The following SLC35F3 variants were observed in gnomAD, a reference collection of about 807,000 sequenced individuals.
SLC35F3 encodes solute carrier family 35 member F3, also known as putative thiamine transporter SLC35F3.
SLC35F3 carries 25 observed loss-of-function variants against 49.9 expected under a neutral mutation model. The ratio of observed to expected loss-of-function variants is 0.50; its 90% CI spans 0.37 to 0.70. SLC35F3 has a LOEUF of 0.70. SLC35F3 is among the 30% of genes least tolerant of loss of function. SLC35F3 has a pLI of 0.00. For missense variants in SLC35F3, 525 were observed against 639.8 expected, an observed-to-expected ratio of 0.82 and a Z score of 1.94; for synonymous variants, 275 against 265.4, an observed-to-expected ratio of 1.04 and a Z score of -0.35.
At chr1:233,983,104 G>C (rs1663212057) in intron 2 of SLC35F3, among the ~76,000 whole-genome samples, 1 of 152,146 alleles carries the variant, frequency 6.6e-6, no homozygotes, top group African/African-American at 2.4e-5. Context: ...TCCCTGATAA[G>C]AAAGTGCACC....
intron 3 of SLC35F3, among the ~76,000 whole-genome samples, chr1:234,307,934 G>A (rs927401452): frequency 2.6e-5 from 4 of 152,150 alleles, no homozygotes; most frequent in African/African-American, 7.2e-5. Context: ...CTCCACACCC[G>A]AGCTCCCCAC....
At chr1:234,045,446 G>T (rs1468203508) in intron 2 of SLC35F3, among the ~76,000 whole-genome samples, 1 of 152,084 alleles carries the variant, frequency 6.6e-6, no homozygotes, top group Non-Finnish European at 1.5e-5. Flanking sequence ...TCTGAAGTAG[G>T]TGTATTACTC....
intron 3 of SLC35F3, among the ~76,000 whole-genome samples, chr1:234,302,205 T>C (rs1668704222): frequency 6.6e-6 from 1 of 151,642 alleles, no homozygotes; most frequent in Admixed American, 6.6e-5. Flanking sequence ...AAAAGAAGAA[T>C]ACCAAAGAAG....
intron 2 of SLC35F3, among the ~76,000 whole-genome samples, chr1:234,028,869 A>G (rs773349390): frequency 6.6e-6 from 1 of 152,172 alleles, no homozygotes; most frequent in African/African-American, 2.4e-5. Context: ...CTTAAGTAGC[A>G]TGGTGATGGT....
chr1:234,107,556 T>C (rs1266914290), intron 2 of SLC35F3, among the ~76,000 whole-genome samples: 1 of 152,164 alleles, frequency 6.6e-6, no homozygotes, highest in Non-Finnish European at 1.5e-5. Context: ...GAGAGCATCA[T>C]GACTAGTTCA....
intron 2 of SLC35F3, among the ~76,000 whole-genome samples, chr1:233,998,286 G>C (rs1663494947): frequency 6.6e-6 from 1 of 151,958 alleles, no homozygotes; most frequent in African/African-American, 2.4e-5. Flanking sequence ...ATATGCATTG[G>C]ATATCAGGGA....
intron 2 of SLC35F3, among the ~76,000 whole-genome samples, chr1:234,129,586 G>T (rs1364438022): frequency 6.6e-6 from 1 of 152,176 alleles, no homozygotes; most frequent in Non-Finnish European, 1.5e-5. Flanking sequence ...TTGACAAACA[G>T]ATTCTGAATT....
At chr1:234,289,156 A>G (rs1387523691) in intron 3 of SLC35F3, among the ~76,000 whole-genome samples, 6 of 152,150 alleles carry the variant, frequency 3.9e-5, no homozygotes, top group Non-Finnish European at 8.8e-5. Context: ...TTAGGAGAGG[A>G]TCACCCCCCT....
At chr1:234,251,958 G>A (rs1392545462) in intron 3 of SLC35F3, among the ~76,000 whole-genome samples, 1 of 151,576 alleles carries the variant, frequency 6.6e-6, no homozygotes, top group Non-Finnish European at 1.5e-5. Flanking sequence ...GAATTTAGGT[G>A]TAAAACCTGA....
At chr1:234,137,846 G>A (rs1388617865) in intron 2 of SLC35F3, among the ~76,000 whole-genome samples, 3 of 152,164 alleles carry the variant, frequency 2.0e-5, no homozygotes, top group African/African-American at 7.2e-5. Flanking sequence ...TATTTAGGTG[G>A]AAGGAAAGAG....
chr1:234,050,139 T>G (rs1038150843), intron 2 of SLC35F3, among the ~76,000 whole-genome samples: 18 of 152,234 alleles, frequency 1.2e-4, no homozygotes, highest in Admixed American at 1.0e-3. Context: ...TTATAATCCT[T>G]TGGGTATATA....
chr1:234,094,215 G>A (rs968924730), intron 2 of SLC35F3, among the ~76,000 whole-genome samples: 3 of 152,208 alleles, frequency 2.0e-5, no homozygotes, highest in Admixed American at 6.5e-5. Context: ...AAATTTAGAA[G>A]CCTATTTTCA....
chr1:234,194,225 T>C (rs1030814865), intron 2 of SLC35F3, among the ~76,000 whole-genome samples: 62 of 152,158 alleles, frequency 4.1e-4, no homozygotes, highest in African/African-American at 1.4e-3. Flanking sequence ...CATCAATCAA[T>C]GAGTGGATAA....
chr1:234,304,664 A>G (rs1657089101), intron 3 of SLC35F3, among the ~76,000 whole-genome samples: 1 of 152,212 alleles, frequency 6.6e-6, no homozygotes, highest in Non-Finnish European at 1.5e-5. Flanking sequence ...TCTCCACTGT[A>G]GCATCATTAT....
intron 2 of SLC35F3, among the ~76,000 whole-genome samples, chr1:234,178,461 G>GAAAA: frequency 7.1e-6 from 1 of 140,982 alleles, no homozygotes. Flanking sequence ...CTCTCCTAAG[G>GAAAA]AAAAAAAAAA....
At position 234,126,833 on chromosome 1, in the gene SLC35F3, C is replaced by CT. The variant is rs1196051939; in HGVS notation, c.284-104583dup. ...ATCTCAGCCTCCCAAATAGCTGGGA[C>CT]TACAGGCACGCACTACCGTGCTGGG... On this transcript the variant is annotated intron_variant, in intron 2 of 7. Coordinates refer to ENST00000366618, the MANE Select transcript of SLC35F3 (RefSeq NM_173508.4). 3.9e-5 allele frequency among the ~76,000 whole-genome samples: 6 copies of CT among 152,250 alleles called. No homozygotes were observed. In the East Asian group the frequency reaches 1.2e-3, roughly 29 times the overall value.
At chr1:234,262,526 G>A (rs1667920776) in intron 3 of SLC35F3, among the ~76,000 whole-genome samples, 1 of 152,190 alleles carries the variant, frequency 6.6e-6, no homozygotes, top group Non-Finnish European at 1.5e-5. Flanking sequence ...TCTTACAGGA[G>A]AAAGAAACAG....
Position 234,296,416 on chromosome 1 carries a change from C to A in SLC35F3, c.609-12685C>A, listed in dbSNP as rs532299660. Among the ~76,000 whole-genome samples the A allele has an allele frequency of 5.9e-5, 9 of 152,156 alleles. No individual in the cohort carries two copies. In the South Asian group the frequency reaches 1.9e-3, roughly 32 times the overall value. On this transcript the variant is annotated intron_variant, in intron 3 of 7. Transcript: ENST00000366618. ...ATTCCATGCAATATTTTAATGGACT[C>A]TTTAGAATAGGAAGAGTGGTTTCTG...
chr1:234,216,460 G>A (rs1446150538), intron 2 of SLC35F3, among the ~76,000 whole-genome samples: 2 of 152,266 alleles, frequency 1.3e-5, no homozygotes, highest in East Asian at 3.9e-4. Flanking sequence ...CTTCCCTATG[G>A]CCAAGCCTGG....
Sources: gnomAD v4.1 joint callset for allele counts (sites outside exome capture counted in the v4.1 genomes callset) on GRCh38, gnomAD v4.1.1 for gene constraint, MANE v1.5 for transcripts, NCBI Gene and HGNC (gene_info 2026-07-23, HGNC 2026-07-21) for gene names.